ZNF518A: variants seen among roughly 807,000 people sequenced by gnomAD.
ZNF518A encodes the protein zinc finger protein 518A.
A neutral mutation model predicts 102.7 loss-of-function variants in ZNF518A; 47 were observed. That is an observed-to-expected ratio of 0.46 (90% CI 0.36 to 0.58). ZNF518A has a LOEUF of 0.58. Ranked by LOEUF, ZNF518A falls within the 20% of genes least tolerant of loss-of-function variation. The pLI, the probability that ZNF518A is intolerant of heterozygous loss-of-function variation, is 0.00. For missense variants in ZNF518A, 1,793 were observed against 1,699.8 expected (o/e 1.05, Z -0.96); for synonymous variants, 652 against 594.6 (o/e 1.10, Z -1.40).
chr10:96,162,004 T>A lies in ZNF518A; in HGVS notation c.*1230T>A, dbSNP rs1334514263. 1.8e-5 allele frequency: 3 copies of A among 166,932 alleles called. No homozygotes were observed. Among genetic ancestry groups the A allele is most frequent in the Non-Finnish European group, 4.4e-5 (3 of 68,012 alleles). The allele number at this position is 166,932 out of a possible 1,614,324, so 10.3% of individuals were successfully genotyped here. On this transcript the variant is annotated 3_prime_UTR_variant, in exon 6 of 6. Coordinates refer to ENST00000316045, the MANE Select transcript of ZNF518A (RefSeq NM_001330736.2). ...AGATTTAGATTTTTCACCTTGTAAG[T>A]TTGGATCAAATTTTGCTGGTTCTTT...
intron 3 of ZNF518A, among the ~76,000 whole-genome samples, chr10:96,146,528 A>G (rs2082181517): frequency 6.6e-6 from 1 of 152,190 alleles, no homozygotes; most frequent in African/African-American, 2.4e-5. Flanking sequence ...ATTCTAGTGA[A>G]GTTGGGCATG....
rs1178059879 is a variant in ZNF518A at position 96,163,713 on chromosome 10, G to C, written c.*2939G>C. On this transcript the variant is annotated 3_prime_UTR_variant, in exon 6 of 6. Transcript: ENST00000316045. ...TGCAGAAAAAAACCATAGACAATAT[G>C]TAAATGAATTAGTGTGGCTATGTTT... is the stretch of plus-strand genomic sequence containing the variant. 2.4e-5 allele frequency: 4 copies of C among 166,930 alleles called. No homozygotes were observed. Among genetic ancestry groups the C allele is most frequent in the African/African-American group, 9.7e-5 (4 of 41,410 alleles). 10.3% of individuals were successfully genotyped at this position (166,930 alleles called of 1,614,324 possible).
intron 1 of ZNF518A, among the ~76,000 whole-genome samples, chr10:96,173,995 C>T (rs189853535): frequency 6.6e-6 from 1 of 152,128 alleles, no homozygotes; most frequent in Admixed American, 6.6e-5. Context: ...TTGAACAATA[C>T]TCATAAATAA....
chr10:96,150,609 A>G (rs587709455), intron 3 of ZNF518A, among the ~76,000 whole-genome samples: 2 of 149,024 alleles, frequency 1.3e-5, no homozygotes, highest in East Asian at 3.9e-4. Context: ...TCCCGCATCT[A>G]CTTTGTTCTC....
At position 96,162,505 on chromosome 10, in the gene ZNF518A, A is replaced by G. The variant is rs1191341860; in HGVS notation, c.*1731A>G. On this transcript the variant is annotated 3_prime_UTR_variant, in exon 6 of 6. Coordinates refer to ENST00000316045, the MANE Select transcript of ZNF518A (RefSeq NM_001330736.2). ...AGCCATACATAGAATGCTTCAAGCT[A>G]TCTTGCTATGCACATTATACTTGTA... 1.2e-5 allele frequency: 2 copies of G among 166,918 alleles called. No individual in the cohort carries two copies. The highest frequency in any genetic ancestry group is 2.4e-5 in the African/African-American group (1 of 41,456). The allele number at this position is 166,918 out of a possible 1,614,324, so 10.3% of individuals were successfully genotyped here. A position where few individuals can be genotyped will look rare whatever the true frequency, so the allele number is the denominator to read the frequency against.
At chr10:96,172,631 T>C (rs2083180326) in intron 1 of ZNF518A, among the ~76,000 whole-genome samples, 1 of 152,032 alleles carries the variant, frequency 6.6e-6, no homozygotes, top group Non-Finnish European at 1.5e-5. Context: ...CTGAAATAGA[T>C]TCTGATAAAG....
At chr10:96,185,217 G>A (rs1368171163) in intron 1 of ZNF518A, among the ~76,000 whole-genome samples, 8 of 152,142 alleles carry the variant, frequency 5.3e-5, no homozygotes, top group Admixed American at 5.2e-4. Context: ...CTTTTTTCAA[G>A]GTTTTTAGCT....
In ZNF518A at chr10:96,156,971, C is replaced by G; in HGVS notation, c.649C>G (p.Gln217Glu). ...FQCEKCKFSTQDVGTFVQHIH... is the reference protein window; with the variant it reads ...FQCEKCKFSTEDVGTFVQHIH... ...ATGTGAAAAGTGTAAGTTCTCCACCCAGGATGTTGGCACATTTGTTCAGCA... is the reference window on the plus strand; with the variant it reads ...ATGTGAAAAGTGTAAGTTCTCCACCGAGGATGTTGGCACATTTGTTCAGCA... Residue 217 changes from glutamine to glutamate, a missense_variant, in exon 6 of 6, where the codon CAG becomes GAG. By Grantham distance (29) the Gln-to-Glu change is conservative. This residue lies in a region of ZNF518A where 1,741 missense variants were observed against 1,622.6 expected (regional missense o/e 1.07). Coordinates refer to ENST00000316045, the MANE Select transcript of ZNF518A (RefSeq NM_001330736.2). 1 of 1,613,838 alleles carries G rather than the reference C, an allele frequency of 6.2e-7. No homozygotes were observed.
intron 3 of ZNF518A, among the ~76,000 whole-genome samples, chr10:96,140,111 G>A (rs1172896122): frequency 1.3e-5 from 2 of 152,170 alleles, no homozygotes; most frequent in African/African-American, 4.8e-5. Flanking sequence ...ACCTGCCTCA[G>A]CCTCGCAGAG....
At chr10:96,204,624 A>G (rs782184897), downstream of ZNF518A, 15 of 1,613,692 alleles carry the variant, frequency 9.3e-6, no homozygotes, top group South Asian at 1.5e-4. Context: ...TTTCTGGATC[A>G]GGAAAATTAT....
intron 3 of ZNF518A, among the ~76,000 whole-genome samples, chr10:96,147,418 C>T (rs587712257): frequency 2.0e-5 from 3 of 152,178 alleles, no homozygotes; most frequent in Non-Finnish European, 2.9e-5. Flanking sequence ...ACTTCTCTCT[C>T]CTCCATTTGA....
chr10:96,173,370 C>A (rs587772208), intron 1 of ZNF518A, among the ~76,000 whole-genome samples: 78 of 152,172 alleles, frequency 5.1e-4, no homozygotes, highest in Admixed American at 1.6e-3. Context: ...ATCATTCTGT[C>A]TACAGGAGCT....
chr10:96,156,721 T>G lies in ZNF518A; in HGVS notation c.399T>G (p.Asn133Lys). The G allele has an allele frequency of 6.2e-7, 1 of 1,613,896 alleles. No homozygotes were observed. Among genetic ancestry groups the G allele is most frequent in the Non-Finnish European group, 8.5e-7 (1 of 1,179,796 alleles). Residue 133 changes from asparagine (N) to lysine (K), a missense_variant, in exon 6 of 6, where the codon AAT becomes AAG. This residue lies in a region of ZNF518A where 1,741 missense variants were observed against 1,622.6 expected (regional missense o/e 1.07). Transcript: ENST00000316045. ...GAGACAACACTCGATATAGCCCAAATGATTTGCAGAAACACTTTCAAATGT... is the reference window on the plus strand; with the variant it reads ...GAGACAACACTCGATATAGCCCAAAGGATTTGCAGAAACACTTTCAAATGT... ...KCRDNTRYSP[N>K]DLQKHFQMWH...
rs781997788 is a variant in ZNF518A, at chr10:96,157,869, G to A, written c.1547G>A (p.Cys516Tyr). Residue 516 changes from cysteine (C) to tyrosine (Y), a missense_variant, in exon 6 of 6, where the codon TGT becomes TAT. Transcript: ENST00000316045. ...VYMKAATPFS[C>Y]SSSILSGKAS... Reference sequence around the variant, plus strand: ...ATGAAAGCAGCTACTCCATTTTCATGTTCATCTTCTATACTTTCAGGGAAA... The same window carrying A: ...ATGAAAGCAGCTACTCCATTTTCATATTCATCTTCTATACTTTCAGGGAAA... 4.3e-6 allele frequency: 7 copies of A among 1,613,848 alleles called. No homozygotes were observed. In the Admixed American group the frequency reaches 5.0e-5, roughly 12 times the overall value.
At chr10:96,169,180 A>AT (rs59597620) in intron 1 of ZNF518A, among the ~76,000 whole-genome samples, 2 of 152,002 alleles carry the variant, frequency 1.3e-5, no homozygotes, top group South Asian at 4.1e-4. Flanking sequence ...TTTTAAAAAA[A>AT]TTTTTGTAGA....
chr10:96,175,877 C>CCCTT (rs782226974), intron 1 of ZNF518A, among the ~76,000 whole-genome samples: 1,672 of 49,550 alleles, frequency 0.034, 64 homozygotes, highest in African/African-American at 0.086. Context: ...CTCCCTCCCT[C>CCCTT]CCTTCCTTCC....
At chr10:96,147,911 AG>A (rs1376480047) in intron 3 of ZNF518A, among the ~76,000 whole-genome samples, 10 of 151,956 alleles carry the variant, frequency 6.6e-5, no homozygotes, top group Non-Finnish European at 1.3e-4. Context: ...CCCTCCTGTT[AG>A]TCAAATGTTA....
intron 3 of ZNF518A, among the ~76,000 whole-genome samples, chr10:96,153,549 A>G (rs2082553003): frequency 6.6e-6 from 1 of 152,230 alleles, no homozygotes; most frequent in Non-Finnish European, 1.5e-5. Context: ...CTCTAATGTC[A>G]TATTGTATAT....
intron 3 of ZNF518A, among the ~76,000 whole-genome samples, chr10:96,155,048 T>G (rs1554881704): frequency 6.6e-6 from 1 of 151,356 alleles, no homozygotes; most frequent in South Asian, 2.1e-4. Flanking sequence ...ATTTTGTCTA[T>G]TCATACATAT....
Sources: gnomAD v4.1 joint callset for allele counts (sites outside exome capture counted in the v4.1 genomes callset) on GRCh38, gnomAD v4.1.1 for gene constraint, gnomAD v4.1.1 regional missense constraint, MANE v1.5 for transcripts, NCBI Gene and HGNC (gene_info 2026-07-23, HGNC 2026-07-21) for gene names.